Variants in CLCNKB observed in about 807,000 individuals in gnomAD.
CLCNKB encodes chloride channel protein ClC-Kb.
A neutral mutation model predicts 83.8 loss-of-function variants in CLCNKB; 74 were observed. That is an observed-to-expected ratio of 0.88 (90% confidence interval 0.73 to 1.07). CLCNKB has a LOEUF of 1.07. CLCNKB is among the 50% of genes least tolerant of loss of function. The pLI, the probability that CLCNKB is intolerant of heterozygous loss-of-function variation, is 0.00. For synonymous variants in CLCNKB, 358 were observed against 356.6 expected (o/e 1.00, Z -0.04); for missense variants, 798 against 893.6 (o/e 0.89, Z 1.36).
rs753065298 is a variant in CLCNKB, at chr1:16,049,257, G to C, written c.781+12G>C. ...CAACAGCGAGCAGGGTGAGCCCCCT[G>C]GGCTGCCTGACCCTGGCCCTGCCTG... On this transcript the variant is annotated intron_variant, in intron 8 of 19. Transcript: ENST00000375679. The C allele has an allele frequency of 8.1e-6, 13 of 1,613,174 alleles. No individual in the cohort carries two copies. Among genetic ancestry groups the C allele is most frequent in the Non-Finnish European group, 1.1e-5 (13 of 1,179,818 alleles).
At chr1:16,046,875 G>T (rs139178074) in intron 4 of CLCNKB, among the ~76,000 whole-genome samples, 34 of 152,348 alleles carry the variant, frequency 2.2e-4, no homozygotes, top group Non-Finnish European at 4.6e-4. Context: ...GACTTGATGG[G>T]AGGCCTGGTG....
At chr1:16,052,091 G>A in intron 14 of CLCNKB, 107 bp from the exon 15 acceptor site, 1 of 1,408,230 alleles carries the variant, frequency 7.1e-7, no homozygotes. Context: ...CCAGGCTGTG[G>A]CCTCTTACAA....
rs751162013 is a variant in CLCNKB, at chr1:16,053,702, G to A, written c.1686G>A (p.Met562Ile). 22 of 1,613,818 alleles carry A rather than the reference G, an allele frequency of 1.4e-5. No homozygotes were observed. The highest frequency in any genetic ancestry group is 3.3e-5 in the Admixed American group (2 of 59,976). The change falls in exon 16 of 20, where the codon ATG becomes ATA. Residue 562 changes from methionine to isoleucine, a missense_variant. Coordinates refer to ENST00000375679, the MANE Select transcript of CLCNKB (RefSeq NM_000085.5). ...GCATCACCACACTGGCCAAGGACAT[G>A]CCACTGGAGGAGGTGGTCAAGGTTG... ...NHSITTLAKD[M>I]PLEEVVKVVT... is the part of the protein sequence containing the mutation.
intron 11 of CLCNKB, 57 bp from the exon 12 acceptor site, chr1:16,050,818 G>A: frequency 6.2e-7 from 1 of 1,608,674 alleles, no homozygotes; most frequent in Non-Finnish European, 8.5e-7. Context: ...GTGCGGGGGA[G>A]GCTGGGGTCT....
At chr1:16,049,726 G>A (rs1431219412) in intron 9 of CLCNKB, 24 bp downstream of exon 9, 4 of 1,585,750 alleles carry the variant, frequency 2.5e-6, no homozygotes, top group East Asian at 2.2e-5. Context: ...TTGGGCCCCT[G>A]AGAGTCCAAA....
chr1:16,051,358 G>A (rs1440035028), intron 12 of CLCNKB, 120 bp from the exon 13 acceptor site: 4 of 1,302,620 alleles, frequency 3.1e-6, no homozygotes, highest in Non-Finnish European at 4.5e-6. Flanking sequence ...TCTGGCAGTG[G>A]GTGCATGGCC....
At chr1:16,049,967 C>G in intron 10 of CLCNKB, 51 bp downstream of exon 10, 1 of 1,341,686 alleles carries the variant, frequency 7.5e-7, no homozygotes, top group Non-Finnish European at 1.0e-6. Flanking sequence ...CCCCCCTCAC[C>G]GTACTCCCAA....
intron 8 of CLCNKB, 90 bp downstream of exon 8, chr1:16,049,335 TC>T: frequency 6.4e-7 from 1 of 1,574,194 alleles, no homozygotes; most frequent in South Asian, 1.2e-5. Flanking sequence ...CCCTTGCTCT[TC>T]CTTTCCCTCT....
intron 2 of CLCNKB, among the ~76,000 whole-genome samples, chr1:16,044,846 T>G (rs2023050738): frequency 6.6e-6 from 1 of 152,330 alleles, no homozygotes; most frequent in African/African-American, 2.4e-5. Flanking sequence ...TGTGCCCATC[T>G]TCCACCCAGG....
At chr1:16,055,385 C>T (rs745891408) in intron 16 of CLCNKB, 50 bp from the exon 17 acceptor site, 2 of 1,450,818 alleles carry the variant, frequency 1.4e-6, no homozygotes, top group South Asian at 1.1e-5. Context: ...AAATGTGAGT[C>T]CCTGTTTCCT....
At chr1:16,050,774 A>C (rs2023261953) in intron 11 of CLCNKB, 101 bp from the exon 12 acceptor site, 2 of 1,576,886 alleles carry the variant, frequency 1.3e-6, no homozygotes, top group Non-Finnish European at 8.6e-7. Context: ...CCCGCTGGGA[A>C]GTGGCAGAGG....
rs368364570 is a variant in CLCNKB, at chr1:16,056,936, A to G, written c.*20A>G. The stretch of plus-strand genomic sequence containing the variant: ...AAGTGAGCCGGCCCAGCAAGATGAA[A>G]CAGGGCACCCCAGCTGACCTGGTAC... On this transcript the variant is annotated 3_prime_UTR_variant, in exon 20 of 20. Coordinates refer to ENST00000375679, the MANE Select transcript of CLCNKB (RefSeq NM_000085.5). 3.8e-5 allele frequency: 62 copies of G among 1,611,434 alleles called. No individual in the cohort carries two copies. The African/African-American group carries it at 6.8e-4, about 18-fold the overall frequency.
chr1:16,049,971 C>A, intron 10 of CLCNKB, 55 bp downstream of exon 10: 2 of 1,319,004 alleles, frequency 1.5e-6, no homozygotes, highest in South Asian at 2.4e-5. Flanking sequence ...CCTCACCGTA[C>A]TCCCAACCTT....
In CLCNKB at chr1:16,051,807, G is replaced by A. The variant is rs750711107; in HGVS notation, c.1395G>A (p.Gly465=). 1.2e-6 allele frequency: 2 copies of A among 1,612,176 alleles called. No individual in the cohort carries two copies. Among genetic ancestry groups the A allele is most frequent in the African/African-American group, 1.3e-5 (1 of 74,986 alleles). The change falls in exon 14 of 20, where the codon GGG becomes GGA. Residue 465 remains glycine, a synonymous_variant. Coordinates refer to ENST00000375679, the MANE Select transcript of CLCNKB (RefSeq NM_000085.5). ...TCACCAATCCCATCATGCCAGGGGG[G>A]TATGCTCTGGCAGGTGAGTGGGTCA... ...GGITNPIMPG[G]YALAGAAAFS...
At chr1:16,046,072 C>T (rs1484972920) in intron 3 of CLCNKB, among the ~76,000 whole-genome samples, 4 of 152,244 alleles carry the variant, frequency 2.6e-5, no homozygotes, top group Admixed American at 6.5e-5. Context: ...AGCCTGCCTC[C>T]ACCCTGAGGC....
At position 16,048,409 on chromosome 1, in the gene CLCNKB, G is replaced by A; in HGVS notation, c.565G>A (p.Gly189Arg). The change falls in exon 6 of 20, where the codon GGG becomes AGG. Residue 189 changes from glycine (G) to arginine (R), a missense_variant. Transcript: ENST00000375679. ...YLGRVRTTTIGEPENKSKQNE... is the reference protein window; with the variant it reads ...YLGRVRTTTIREPENKSKQNE... Reference sequence around the variant, plus strand: ...GGGCCGTGTGCGCACCACGACCATCGGGGAGCCTGAGGTTAGGGACTCGGG... The same window carrying A: ...GGGCCGTGTGCGCACCACGACCATCAGGGAGCCTGAGGTTAGGGACTCGGG... The A allele has an allele frequency of 2.5e-6, 4 of 1,614,046 alleles. No individual in the cohort carries two copies. The highest frequency in any genetic ancestry group is 3.4e-6 in the Non-Finnish European group (4 of 1,179,994).
chr1:16,052,181 T>TGACTCTGCCCTTGCAGG lies in CLCNKB; in HGVS notation c.1409-15_1410dup, dbSNP rs2023314847. 1 of 1,612,500 alleles carries TGACTCTGCCCTTGCAGG rather than the reference T, an allele frequency of 6.2e-7. No homozygotes were observed. Among genetic ancestry groups the TGACTCTGCCCTTGCAGG allele is most frequent in the African/African-American group, 1.3e-5 (1 of 74,920 alleles). On this transcript the variant is annotated splice_polypyrimidine_tract_variant and intron_variant, in intron 14 of 19. Coordinates refer to ENST00000375679, the MANE Select transcript of CLCNKB (RefSeq NM_000085.5). ...GGCCCCTGGCCTGAGCTGCCCTGCCTGACTCTGCCCTTGCAGGGGCTGCAG... is the reference window on the plus strand; with the variant it reads ...GGCCCCTGGCCTGAGCTGCCCTGCCTGACTCTGCCCTTGCAGGGACTCTGCCCTTGCAGGGGCTGCAG...
rs1180008044 is a variant in CLCNKB at position 16,053,753 on chromosome 1, T to C, written c.1737T>C (p.Tyr579=). 6.2e-7 allele frequency: 1 copy of C among 1,613,678 alleles called. No homozygotes were observed. Among genetic ancestry groups the C allele is most frequent in the Admixed American group, 1.7e-5 (1 of 60,004 alleles). Residue 579 remains tyrosine, a synonymous_variant, in exon 16 of 20, where the codon TAT becomes TAC. Transcript: ENST00000375679. The stretch of plus-strand genomic sequence containing the variant: ...TGACCTCCACAGACGTGGCCAAGTA[T>C]CCCCTGGTGGAGAGCACAGGTGCCC... The part of the protein sequence containing the change: ...KVVTSTDVAK[Y]PLVESTESQI...
intron 12 of CLCNKB, 125 bp from the exon 13 acceptor site, chr1:16,051,353 C>T: frequency 8.0e-7 from 1 of 1,252,576 alleles, no homozygotes; most frequent in South Asian, 1.2e-5. Flanking sequence ...CAGACTCTGG[C>T]AGTGGGTGCA....
Sources: allele counts gnomAD v4.1 joint callset (sites outside exome capture counted in the v4.1 genomes callset), GRCh38; gene constraint gnomAD v4.1.1; transcripts MANE v1.5; gene names NCBI Gene and HGNC (gene_info 2026-07-23, HGNC 2026-07-21).